The following MYO1B variants were observed in gnomAD, a reference collection of about 807,000 sequenced individuals.
MYO1B encodes unconventional myosin-Ib.
A neutral mutation model predicts 159.7 loss-of-function variants in MYO1B; 72 were observed. The ratio of observed to expected loss-of-function variants is 0.45; its 90% CI spans 0.37 to 0.55. The LOEUF (loss-of-function observed/expected upper bound fraction) is 0.55. MYO1B is among the 20% of genes least tolerant of loss of function. The pLI is 0.00. For synonymous variants in MYO1B, 468 were observed against 473.8 expected (o/e 0.99, Z 0.16); for missense variants, 1,062 against 1,364.8 (o/e 0.78, Z 3.50).
chr2:191,416,152 G>A lies in MYO1B; in HGVS notation c.3197G>A (p.Ser1066Asn), dbSNP rs1333401613. 1 of 1,614,040 alleles carries A rather than the reference G, an allele frequency of 6.2e-7. No homozygotes were observed. Among genetic ancestry groups the A allele is most frequent in the African/African-American group, 1.3e-5 (1 of 74,918 alleles). Residue 1066 changes from serine to asparagine, a missense_variant, in exon 30 of 31, where the codon AGC becomes AAC. Coordinates refer to ENST00000392318, the MANE Select transcript of MYO1B (RefSeq NM_001130158.3). ...GCTAGTAAAGGAGACTTTCTCTTCAGCAGTGATCACCTGATTGAAATGGCC... is the reference window on the plus strand; with the variant it reads ...GCTAGTAAAGGAGACTTTCTCTTCAACAGTGATCACCTGATTGAAATGGCC... ...EAASKGDFLF[S>N]SDHLIEMATK...
intron 4 of MYO1B, among the ~76,000 whole-genome samples, chr2:191,331,867 T>C (rs1691503139): frequency 6.6e-6 from 1 of 152,238 alleles, no homozygotes; most frequent in Non-Finnish European, 1.5e-5. Context: ...GTCCTGTTGT[T>C]CTGGAAACAT....
Position 191,413,955 on chromosome 2 carries a change from A to G in MYO1B, c.2874-93A>G, listed in dbSNP as rs1041223603. 2.3e-5 allele frequency: 29 copies of G among 1,267,432 alleles called. No individual in the cohort carries two copies. In the East Asian group the frequency reaches 6.9e-4, roughly 30 times the overall value. 78.5% of individuals were successfully genotyped at this position (1,267,432 alleles called of 1,614,324 possible). A position where few individuals can be genotyped will look rare whatever the true frequency, so the allele number is the denominator to read the frequency against. Reference sequence around the variant, plus strand: ...TGAAATCAATTTTTATGAAGTTGTCAGCTACTCCTTAGAATCAACTGACCT... The same window carrying G: ...TGAAATCAATTTTTATGAAGTTGTCGGCTACTCCTTAGAATCAACTGACCT... On this transcript the variant is annotated intron_variant, in intron 27 of 30. Transcript: ENST00000392318.
At chr2:191,407,504 T>A (rs1009271236) in intron 24 of MYO1B, among the ~76,000 whole-genome samples, 1 of 152,202 alleles carries the variant, frequency 6.6e-6, no homozygotes, top group Non-Finnish European at 1.5e-5. Flanking sequence ...AATATAACAA[T>A]GTAGCAAGGA....
intron 1 of MYO1B, among the ~76,000 whole-genome samples, chr2:191,266,676 A>G (rs1687158883): frequency 6.6e-6 from 1 of 152,174 alleles, no homozygotes; most frequent in South Asian, 2.1e-4. Context: ...CTTCTTTTTT[A>G]AAGGAAGGTT....
intron 7 of MYO1B, among the ~76,000 whole-genome samples, chr2:191,356,888 C>T (rs1031469868): frequency 3.3e-5 from 5 of 152,116 alleles, no homozygotes; most frequent in Non-Finnish European, 7.4e-5. Flanking sequence ...GACTGAGATG[C>T]TTTTTTCATA....
At chr2:191,283,935 A>G (rs913106276) in intron 2 of MYO1B, among the ~76,000 whole-genome samples, 19 of 152,254 alleles carry the variant, frequency 1.2e-4, no homozygotes, top group African/African-American at 2.9e-4. Context: ...TCAGCAGTGC[A>G]GTGACATGAA....
rs894610592 is a variant in MYO1B, at chr2:191,423,716, G to T, written c.3288-121G>T. On this transcript the variant is annotated intron_variant, in intron 30 of 30. Coordinates refer to ENST00000392318, the MANE Select transcript of MYO1B (RefSeq NM_001130158.3). Reference sequence around the variant, plus strand: ...TTGGAGGTTTCAGATTTTCGGATTAGGTTAGGGATGCGCAGCCTGTACTCG... The same window carrying T: ...TTGGAGGTTTCAGATTTTCGGATTATGTTAGGGATGCGCAGCCTGTACTCG... The T allele has an allele frequency of 4.7e-6, 5 of 1,060,426 alleles. No homozygotes were observed. The South Asian group carries it at 1.1e-4, about 24-fold the overall frequency. 65.7% of individuals were successfully genotyped at this position (1,060,426 alleles called of 1,614,324 possible).
intron 8 of MYO1B, 45 bp from the exon 9 acceptor site, chr2:191,362,218 AGATTG>A: frequency 7.2e-7 from 1 of 1,381,258 alleles, no homozygotes; most frequent in Non-Finnish European, 1.0e-6. Context: ...GAGATATTAA[AGATTG>A]GATTTATTGA....
chr2:191,346,963 A>G (rs1254433144), intron 6 of MYO1B, among the ~76,000 whole-genome samples: 1 of 152,160 alleles, frequency 6.6e-6, no homozygotes, highest in Non-Finnish European at 1.5e-5. Flanking sequence ...TTACAGAGAC[A>G]CAGCTGCCTG....
chr2:191,369,918 A>C (rs1694252381), intron 12 of MYO1B, among the ~76,000 whole-genome samples: 1 of 152,128 alleles, frequency 6.6e-6, no homozygotes, highest in African/African-American at 2.4e-5. Context: ...CTAGTGGTAC[A>C]CACTTTGCTG....
intron 20 of MYO1B, among the ~76,000 whole-genome samples, chr2:191,394,813 T>C (rs2126111812): frequency 6.6e-6 from 1 of 152,356 alleles, no homozygotes. Flanking sequence ...AAAGTCACGA[T>C]TTATCATTAG....
At chr2:191,351,495 C>G (rs558452305) in intron 7 of MYO1B, among the ~76,000 whole-genome samples, 1 of 152,116 alleles carries the variant, frequency 6.6e-6, no homozygotes, top group African/African-American at 2.4e-5. Flanking sequence ...CAGAGAGTAA[C>G]CATCTAGGGC....
At chr2:191,373,694 G>A (rs1694519022) in intron 13 of MYO1B, among the ~76,000 whole-genome samples, 1 of 152,212 alleles carries the variant, frequency 6.6e-6, no homozygotes, top group South Asian at 2.1e-4. Flanking sequence ...AAAATCGCTT[G>A]AACCTGGGAG....
chr2:191,416,106 T>C lies in MYO1B; in HGVS notation c.3160-9T>C, dbSNP rs1253339475. The C allele has an allele frequency of 1.2e-6, 2 of 1,612,946 alleles. No individual in the cohort carries two copies. The highest frequency in any genetic ancestry group is 1.7e-4 in the Middle Eastern group (1 of 6,052). ...TTAATTATGACCGACTCTTGGTTTG[T>C]CCTTGCAGGGCTCAGAAGCAGCTAG... On this transcript the variant is annotated splice_polypyrimidine_tract_variant and intron_variant, in intron 29 of 30. Coordinates refer to ENST00000392318, the MANE Select transcript of MYO1B (RefSeq NM_001130158.3).
chr2:191,253,070 A>AC (rs1553526337), intron 1 of MYO1B, among the ~76,000 whole-genome samples: 3 of 151,968 alleles, frequency 2.0e-5, no homozygotes, highest in Admixed American at 6.6e-5. Flanking sequence ...GGAAAAAAAA[A>AC]CAAAAAACAA....
chr2:191,422,716 T>C (rs1308583035), intron 30 of MYO1B, among the ~76,000 whole-genome samples: 3 of 152,226 alleles, frequency 2.0e-5, no homozygotes, highest in Admixed American at 6.5e-5. Context: ...GTAGGACATA[T>C]GTGAGTAACC....
At chr2:191,281,104 T>C (rs757167604) in intron 2 of MYO1B, among the ~76,000 whole-genome samples, 20 of 152,244 alleles carry the variant, frequency 1.3e-4, no homozygotes, top group Non-Finnish European at 2.1e-4. Context: ...TTTGAACTAA[T>C]ATACCCCTTG....
At chr2:191,312,701 G>GT (rs1690081720) in intron 3 of MYO1B, among the ~76,000 whole-genome samples, 1 of 152,148 alleles carries the variant, frequency 6.6e-6, no homozygotes, top group South Asian at 2.1e-4. Flanking sequence ...TGTATTGTGT[G>GT]TGTTATAAAA....
intron 1 of MYO1B, among the ~76,000 whole-genome samples, chr2:191,255,759 T>C (rs900044437): frequency 2.0e-4 from 30 of 152,158 alleles, no homozygotes; most frequent in African/African-American, 6.5e-4. Flanking sequence ...GAGGCTTGAA[T>C]GGGGCCACTG....
Sources: gnomAD v4.1 joint callset for allele counts (sites outside exome capture counted in the v4.1 genomes callset) on GRCh38, gnomAD v4.1.1 for gene constraint, MANE v1.5 for transcripts, NCBI Gene and HGNC (gene_info 2026-07-23, HGNC 2026-07-21) for gene names.